Variants in SHC3 observed in about 807,000 individuals in gnomAD.
The protein encoded by SHC3 is SHC-transforming protein 3.
SHC3 carries 15 observed loss-of-function variants against 60.4 expected under a neutral mutation model. The ratio of observed to expected loss-of-function variants is 0.25; its 90% CI spans 0.17 to 0.38. The LOEUF is 0.38. Ranked by LOEUF, SHC3 falls within the 10% of genes least tolerant of loss-of-function variation. The pLI is 1.00. For synonymous variants in SHC3, 294 were observed against 325.9 expected (o/e 0.90, Z 1.05); for missense variants, 677 against 786.1 (o/e 0.86, Z 1.66).
chr9:89,022,038 A>T (rs1257118886), intron 11 of SHC3, among the ~76,000 whole-genome samples: 1 of 152,142 alleles, frequency 6.6e-6, no homozygotes, highest in Non-Finnish European at 1.5e-5. Context: ...TGTAGCGAAC[A>T]AAGGCACAAT....
At chr9:89,084,786 G>A (rs557424781) in intron 2 of SHC3, among the ~76,000 whole-genome samples, 3 of 152,138 alleles carry the variant, frequency 2.0e-5, no homozygotes, top group Non-Finnish European at 4.4e-5. Flanking sequence ...AAGTTCTCAG[G>A]CAATGAGGAA....
Position 89,115,101 on chromosome 9 carries a change from CAG to C in SHC3, c.475-2477_475-2476del, listed in dbSNP as rs542214485. ...ACAGTTATATGAATATCATGACCAC[CAG>C]AGTAGAGTACCACCTGCATCAACTT... is the stretch of plus-strand genomic sequence containing the variant. On this transcript the variant is annotated intron_variant, in intron 1 of 11. Coordinates refer to ENST00000375835, the MANE Select transcript of SHC3 (RefSeq NM_016848.6). Among the ~76,000 whole-genome samples, 261 of 152,250 alleles carry C rather than the reference CAG, an allele frequency of 1.7e-3. 3 individuals are homozygous for C. Among genetic ancestry groups the C allele is most frequent in the African/African-American group, 6.0e-3 (251 of 41,546 alleles).
rs368890702 is a variant in SHC3, at chr9:89,011,583, T to C, written c.*1864A>G. The C allele has an allele frequency of 5.2e-5, 8 of 152,390 alleles. No individual in the cohort carries two copies. In the East Asian group the frequency reaches 1.5e-3, roughly 29 times the overall value. The allele number at this position is 152,390 out of a possible 1,614,324, so 9.4% of individuals were successfully genotyped here. A position where few individuals can be genotyped will look rare whatever the true frequency, so the allele number is the denominator to read the frequency against. ...GCTCTCAGAGCACCCAAGTCTATGC[T>C]GTCTTGGGGCAGGAGCCTGATGCAG... On this transcript the variant is annotated 3_prime_UTR_variant, in exon 12 of 12. Coordinates refer to ENST00000375835, the MANE Select transcript of SHC3 (RefSeq NM_016848.6).
intron 1 of SHC3, among the ~76,000 whole-genome samples, chr9:89,140,041 TG>T (rs1826370606): frequency 6.6e-6 from 1 of 152,228 alleles, no homozygotes; most frequent in South Asian, 2.1e-4. Flanking sequence ...TTTTTAAAAC[TG>T]TCATTTCTTG....
Position 89,013,409 on chromosome 9 carries a change from T to C in SHC3, c.*38A>G. On this transcript the variant is annotated 3_prime_UTR_variant, in exon 12 of 12. Coordinates refer to ENST00000375835, the MANE Select transcript of SHC3 (RefSeq NM_016848.6). Reference sequence around the variant, plus strand: ...GATTCTAGTCCACTCCAGGTCCTCCTGACCTGGTGCGCAGTGCTGGGAGCA... The same window carrying C: ...GATTCTAGTCCACTCCAGGTCCTCCCGACCTGGTGCGCAGTGCTGGGAGCA... 2 of 1,499,698 alleles carry C rather than the reference T, an allele frequency of 1.3e-6. No homozygotes were observed. The highest frequency in any genetic ancestry group is 8.9e-7 in the Non-Finnish European group (1 of 1,120,262). The allele number at this position is 1,499,698 out of a possible 1,614,324, so 92.9% of individuals were successfully genotyped here. A position where few individuals can be genotyped will look rare whatever the true frequency, so the allele number is the denominator to read the frequency against.
chr9:89,112,412 A>T, intron 2 of SHC3, 144 bp downstream of exon 2: 1 of 732,348 alleles, frequency 1.4e-6, no homozygotes, highest in Non-Finnish European at 2.2e-6. Context: ...ACATGTCTTG[A>T]GATGAGGACA....
chr9:89,121,954 C>A (rs74940445), intron 1 of SHC3, among the ~76,000 whole-genome samples: 66 of 152,324 alleles, frequency 4.3e-4, no homozygotes, highest in Middle Eastern at 3.4e-3. Flanking sequence ...TATTTGGAAG[C>A]CTTGCATCAT....
At chr9:89,171,339 C>T (rs1826866412) in intron 1 of SHC3, among the ~76,000 whole-genome samples, 1 of 151,806 alleles carries the variant, frequency 6.6e-6, no homozygotes, top group African/African-American at 2.4e-5. Context: ...GATTGCCAAA[C>T]AATTATATTT....
intron 1 of SHC3, among the ~76,000 whole-genome samples, chr9:89,156,830 G>C (rs150276928): frequency 6.6e-6 from 1 of 152,100 alleles, no homozygotes; most frequent in Admixed American, 6.5e-5. Context: ...CTTTTCTGCC[G>C]ATCACACATT....
At chr9:89,105,078 A>T (rs938647803) in intron 2 of SHC3, among the ~76,000 whole-genome samples, 7 of 152,120 alleles carry the variant, frequency 4.6e-5, no homozygotes, top group Non-Finnish European at 5.9e-5. Flanking sequence ...AGTGCCTCTC[A>T]CAGACTCTAA....
rs1380326062 is a variant in SHC3, at chr9:89,110,550, T to C, written c.545+2006A>G. On this transcript the variant is annotated intron_variant, in intron 2 of 11. Coordinates refer to ENST00000375835, the MANE Select transcript of SHC3 (RefSeq NM_016848.6). ...AAGACATTGCTGTGTATTCTTCAACTGGATGCAAAGTGCTTCATTCTGAAG... is the reference window on the plus strand; with the variant it reads ...AAGACATTGCTGTGTATTCTTCAACCGGATGCAAAGTGCTTCATTCTGAAG... The C allele has an allele frequency of 5.0e-6, 4 of 799,140 alleles. No individual in the cohort carries two copies. In the South Asian group the frequency reaches 1.7e-4, roughly 34 times the overall value. 49.5% of individuals were successfully genotyped at this position (799,140 alleles called of 1,614,324 possible).
chr9:89,017,471 T>C (rs1826116704), intron 11 of SHC3, among the ~76,000 whole-genome samples: 1 of 152,180 alleles, frequency 6.6e-6, no homozygotes, highest in Non-Finnish European at 1.5e-5. Context: ...CTGGACCCCT[T>C]TCTTACATCT....
rs755454407 is a variant in SHC3, at chr9:89,077,835, A to G, written c.609+5T>C. On this transcript the variant is annotated splice_donor_5th_base_variant and intron_variant, in intron 3 of 11. Coordinates refer to ENST00000375835, the MANE Select transcript of SHC3 (RefSeq NM_016848.6). ...CAGTTAGACACAGAGCATTGAGGAC[A>G]GTACCTTTCTCTTCTTGAAGGCTCC... 45 of 1,614,116 alleles carry G rather than the reference A, an allele frequency of 2.8e-5. No individual in the cohort carries two copies. In the Admixed American group the frequency reaches 5.5e-4, roughly 20 times the overall value.
rs4463501 is a variant in SHC3, at chr9:89,126,849, A to G, written c.475-14223T>C. Among the ~76,000 whole-genome samples the G allele has an allele frequency of 4.3e-3, 660 of 152,324 alleles. 3 individuals are homozygous for G. Among genetic ancestry groups the G allele is most frequent in the Admixed American group, 6.7e-3 (102 of 15,292 alleles). On this transcript the variant is annotated intron_variant, in intron 1 of 11. Transcript: ENST00000375835. ...GAAAGAGGGGTACCTTAGTATAGAC[A>G]TGGGCTTAGGACCCCATAAGCCTGC...
chr9:89,122,762 CTT>C (rs1191459633), intron 1 of SHC3, among the ~76,000 whole-genome samples: 1 of 152,128 alleles, frequency 6.6e-6, no homozygotes, highest in African/African-American at 2.4e-5. Context: ...AGAGAGGAGA[CTT>C]GGATGGAGCA....
At chr9:89,067,031 T>C (rs1825194883) in intron 5 of SHC3, among the ~76,000 whole-genome samples, 1 of 152,208 alleles carries the variant, frequency 6.6e-6, no homozygotes, top group Non-Finnish European at 1.5e-5. Context: ...TCCCCGGTCA[T>C]TCTGCAGGGC....
intron 6 of SHC3, among the ~76,000 whole-genome samples, chr9:89,053,667 G>C (rs968899887): frequency 6.6e-6 from 1 of 152,230 alleles, no homozygotes; most frequent in African/African-American, 2.4e-5. Flanking sequence ...ATATTGCCAA[G>C]AGATGTGTCT....
chr9:89,086,964 T>C (rs966649864), intron 2 of SHC3, among the ~76,000 whole-genome samples: 1 of 152,146 alleles, frequency 6.6e-6, no homozygotes, highest in Non-Finnish European at 1.5e-5. Flanking sequence ...TACACATATA[T>C]ACAATAAATA....
chr9:89,172,500 C>T (rs1826883110), intron 1 of SHC3, among the ~76,000 whole-genome samples: 1 of 151,936 alleles, frequency 6.6e-6, no homozygotes, highest in Admixed American at 6.6e-5. Context: ...TGCACATCCC[C>T]ACACCCCATC....
Sources: allele counts gnomAD v4.1 joint callset (sites outside exome capture counted in the v4.1 genomes callset), GRCh38; gene constraint gnomAD v4.1.1; transcripts MANE v1.5; gene names NCBI Gene and HGNC (gene_info 2026-07-23, HGNC 2026-07-21).